The following ESR2 variants were observed in gnomAD, a reference collection of about 807,000 sequenced individuals.
ESR2 encodes estrogen receptor 2.
A neutral mutation model predicts 49.6 loss-of-function variants in ESR2; 36 were observed. The ratio of observed to expected loss-of-function variants is 0.73; its 90% CI spans 0.56 to 0.96. The LOEUF (loss-of-function observed/expected upper bound fraction) is 0.96, where lower values mean the gene tolerates loss of function less well. ESR2 is among the 40% of genes least tolerant of loss of function. The pLI is 0.00. For missense variants in ESR2, 714 were observed against 693.0 expected (o/e 1.03, Z -0.34); for synonymous variants, 320 against 266.1 (o/e 1.20, Z -1.97).
chr14:64,274,129 T>C (rs1395943811), intron 3 of ESR2, among the ~76,000 whole-genome samples: 1 of 150,482 alleles, frequency 6.6e-6, no homozygotes. Flanking sequence ...TTTTTTTTTG[T>C]AGAGATAGGG....
chr14:64,282,716 C>A lies in ESR2; in HGVS notation c.270G>T (p.Val90=), dbSNP rs199868673. The change falls in exon 2 of 9, where the codon GTG becomes GTT. Residue 90 remains valine (V), a synonymous_variant. Coordinates refer to ENST00000341099, the MANE Select transcript of ESR2 (RefSeq NM_001437.3). ...ACAGATGTGATAACTGGCGATGGAC[C>A]ACTAAAGGAGAAAGGTGCCCAGGTG... ...WPTPGHLSPL[V]VHRQLSHLYA... is the part of the protein sequence containing the mutation. The A allele has an allele frequency of 6.2e-7, 1 of 1,614,190 alleles. No individual in the cohort carries two copies. Among genetic ancestry groups the A allele is most frequent in the Non-Finnish European group, 8.5e-7 (1 of 1,180,026 alleles).
chr14:64,256,417 A>G (rs1246778363), intron 6 of ESR2, among the ~76,000 whole-genome samples: 2 of 152,210 alleles, frequency 1.3e-5, no homozygotes, highest in East Asian at 3.8e-4. Flanking sequence ...AAAATGCTAT[A>G]TAGTACATGC....
In ESR2 at chr14:64,249,602, AAC is replaced by A. The variant is rs2075947183; in HGVS notation, c.1167_1168del (p.Glu389AspfsTer32). On this transcript the variant is annotated frameshift_variant, in exon 7 of 9. Coordinates refer to ENST00000341099, the MANE Select transcript of ESR2 (RefSeq NM_001437.3). LOFTEE classifies it high-confidence loss of function. ...GAGATATTCTTTGTGTTGGAGTTTT[AAC>A]TCTCGAAACCTTGAAGTAGTTGCCA... The A allele has an allele frequency of 6.2e-7, 1 of 1,613,954 alleles. No individual in the cohort carries two copies.
chr14:64,283,068 TA>T lies in ESR2; in HGVS notation c.-84del. The T allele has an allele frequency of 1.4e-6, 2 of 1,399,326 alleles. No individual in the cohort carries two copies. The highest frequency in any genetic ancestry group is 1.9e-6 in the Non-Finnish European group (2 of 1,032,730). 86.7% of individuals were successfully genotyped at this position (1,399,326 alleles called of 1,614,324 possible). A position where few individuals can be genotyped will look rare whatever the true frequency, so the allele number is the denominator to read the frequency against. On this transcript the variant is annotated 5_prime_UTR_variant, in exon 2 of 9. Transcript: ENST00000341099. ...ATGTTCTCAAAGATTCGTGGGCAAG[TA>T]TAATGGCTGTAAAGAAACACAGAAG...
chr14:64,234,020 TA>T (rs1387229255), intron 8 of ESR2: 2 of 152,346 alleles, frequency 1.3e-5, no homozygotes, highest in Middle Eastern at 3.4e-3. Flanking sequence ...GCTGGGACTG[TA>T]CATAAAGGGC....
intron 7 of ESR2, among the ~76,000 whole-genome samples, chr14:64,238,357 A>AG (rs146119274): frequency 2.0e-5 from 3 of 152,216 alleles, no homozygotes; most frequent in Non-Finnish European, 2.9e-5. Flanking sequence ...ATGGTGGGGT[A>AG]GGGGGGCAGT....
At chr14:64,336,002 T>C (rs1015346625) in intron 1 of ESR2, 4 of 151,110 alleles carry the variant, frequency 2.6e-5, no homozygotes, top group African/African-American at 9.7e-5. Context: ...TGTGTGTGTG[T>C]GTGTGTGTGT....
At chr14:64,330,025 G>A (rs1371532813) in intron 1 of ESR2, 1 of 152,182 alleles carries the variant, frequency 6.6e-6, no homozygotes, top group Non-Finnish European at 1.5e-5. Context: ...TGTAATCCCA[G>A]CTACTAGAGA....
intron 1 of ESR2, among the ~76,000 whole-genome samples, chr14:64,284,655 G>T (rs2076752579): frequency 6.6e-6 from 1 of 151,888 alleles, no homozygotes; most frequent in Non-Finnish European, 1.5e-5. Context: ...TATCTGAGGG[G>T]TAATTCATCA....
intron 1 of ESR2, among the ~76,000 whole-genome samples, chr14:64,303,914 C>T (rs927072239): frequency 2.0e-5 from 3 of 152,102 alleles, no homozygotes; most frequent in African/African-American, 7.2e-5. Context: ...GAGTGCAGAA[C>T]GTTATGAAAA....
At chr14:64,329,649 T>C (rs2077431015) in intron 1 of ESR2, 1 of 152,218 alleles carries the variant, frequency 6.6e-6, no homozygotes, top group South Asian at 2.1e-4. Flanking sequence ...AAGAAATTTG[T>C]ATGTGAAAAC....
At chr14:64,310,433 T>G (rs1261533260) in intron 1 of ESR2, among the ~76,000 whole-genome samples, 1 of 151,792 alleles carries the variant, frequency 6.6e-6, no homozygotes, top group African/African-American at 2.4e-5. Context: ...AGGTAAAATT[T>G]TATGAGTGCA....
chr14:64,315,473 T>TTTTA (rs1315342598), intron 1 of ESR2, among the ~76,000 whole-genome samples: 1 of 151,736 alleles, frequency 6.6e-6, no homozygotes, highest in Non-Finnish European at 1.5e-5. Flanking sequence ...TTTTTTAATG[T>TTTTA]TTTATTTATT....
chr14:64,264,869 C>A, intron 4 of ESR2, among the ~76,000 whole-genome samples: 1 of 132,814 alleles, frequency 7.5e-6, no homozygotes, highest in African/African-American at 3.2e-5. Context: ...AGAGTGATAC[C>A]CTGTCTCAAA....
chr14:64,258,773 C>T (rs2076154859), intron 5 of ESR2, among the ~76,000 whole-genome samples: 1 of 152,176 alleles, frequency 6.6e-6, no homozygotes, highest in Non-Finnish European at 1.5e-5. Flanking sequence ...CAGTCTCACC[C>T]ATAGTGATTG....
At chr14:64,249,072 C>T (rs2075929538) in intron 7 of ESR2, among the ~76,000 whole-genome samples, 1 of 152,096 alleles carries the variant, frequency 6.6e-6, no homozygotes. Context: ...TTTGTGTAGA[C>T]TTTATCATAG....
At chr14:64,272,750 G>A (rs748589632) in intron 3 of ESR2, among the ~76,000 whole-genome samples, 16 of 152,102 alleles carry the variant, frequency 1.1e-4, no homozygotes, top group Non-Finnish European at 1.9e-4. Flanking sequence ...CTAGTACCAC[G>A]TTGTTTTGGT....
At chr14:64,235,989 C>T (rs1434822914) in intron 7 of ESR2, among the ~76,000 whole-genome samples, 1 of 152,236 alleles carries the variant, frequency 6.6e-6, no homozygotes, top group Non-Finnish European at 1.5e-5. Flanking sequence ...CTCTTCCAGG[C>T]TTTCCATTTC....
At chr14:64,313,308 G>A (rs544940923) in intron 1 of ESR2, among the ~76,000 whole-genome samples, 1 of 152,126 alleles carries the variant, frequency 6.6e-6, no homozygotes, top group Admixed American at 6.5e-5. Flanking sequence ...CAAGGCGGGT[G>A]TATCACCTGA....
Sources: allele counts gnomAD v4.1 joint callset (sites outside exome capture counted in the v4.1 genomes callset), GRCh38; gene constraint gnomAD v4.1.1; transcripts MANE v1.5; gene names NCBI Gene and HGNC (gene_info 2026-07-23, HGNC 2026-07-21).